Variants in ADAM10 observed in about 807,000 individuals in gnomAD.
The protein encoded by ADAM10 is disintegrin and metalloproteinase domain-containing protein 10.
A neutral mutation model predicts 90.1 loss-of-function variants in ADAM10; 17 were observed. The ratio of observed to expected loss-of-function variants is 0.19; its 90% CI spans 0.13 to 0.28. The LOEUF (loss-of-function observed/expected upper bound fraction) is 0.28. ADAM10 is among the 10% of genes least tolerant of loss of function. The pLI is 1.00. For synonymous variants in ADAM10, 310 were observed against 298.6 expected, an observed-to-expected ratio of 1.04 and a Z score of -0.40; for missense variants, 610 against 914.3, an observed-to-expected ratio of 0.67 and a Z score of 4.29.
Position 58,594,997 on chromosome 15 carries a change from T to A in ADAM10, c.*2550A>T, listed in dbSNP as rs181453133. The A allele has an allele frequency of 2.6e-4, 40 of 152,210 alleles. No individual in the cohort carries two copies. The East Asian group carries it at 6.0e-3, about 23-fold the overall frequency. The allele number at this position is 152,210 out of a possible 1,614,324, so 9.4% of individuals were successfully genotyped here. A position where few individuals can be genotyped will look rare whatever the true frequency, so the allele number is the denominator to read the frequency against. The stretch of plus-strand genomic sequence containing the variant: ...AACACTGAAATGTCAATTCTCTCCT[T>A]ATTTGCTATGAAGAGAAAAATGATG... On this transcript the variant is annotated 3_prime_UTR_variant, in exon 16 of 16. Coordinates refer to ENST00000260408, the MANE Select transcript of ADAM10 (RefSeq NM_001110.4).
chr15:58,692,913 C>T (rs757553501), intron 2 of ADAM10: 2 of 699,414 alleles, frequency 2.9e-6, no homozygotes, highest in Admixed American at 3.6e-5. Context: ...TGAGATCAGC[C>T]TTGGTCATGC....
At position 58,611,874 on chromosome 15, in the gene ADAM10, G is replaced by A; in HGVS notation, c.1629C>T (p.Cys543=). The A allele has an allele frequency of 6.2e-7, 1 of 1,614,128 alleles. No individual in the cohort carries two copies. The highest frequency in any genetic ancestry group is 8.5e-7 in the Non-Finnish European group (1 of 1,180,024). Residue 543 remains cysteine (C), a synonymous_variant, in exon 12 of 16, where the codon TGC becomes TGT. Coordinates refer to ENST00000260408, the MANE Select transcript of ADAM10 (RefSeq NM_001110.4). Reference sequence around the variant, plus strand: ...AGTTTGGTTTAGGGTCAGATGCTGGGCAGAGAGCTGTGAAGCCATTACATA... The same window carrying A: ...AGTTTGGTTTAGGGTCAGATGCTGGACAGAGAGCTGTGAAGCCATTACATA... ...EGICNGFTAL[C]PASDPKPNFT...
intron 2 of ADAM10, among the ~76,000 whole-genome samples, chr15:58,700,588 CAGGGAA>C: frequency 6.6e-6 from 1 of 152,092 alleles, no homozygotes; most frequent in Non-Finnish European, 1.5e-5. Flanking sequence ...GCACTGCTTA[CAGGGAA>C]ATTTACAGCA....
chr15:58,723,394 G>T (rs540450829), intron 1 of ADAM10, among the ~76,000 whole-genome samples: 30 of 152,034 alleles, frequency 2.0e-4, no homozygotes, highest in Non-Finnish European at 3.5e-4. Context: ...AAAGAAAAAA[G>T]AAATCACAAG....
intron 5 of ADAM10, among the ~76,000 whole-genome samples, chr15:58,659,004 T>A (rs748676167): frequency 9.2e-5 from 14 of 152,152 alleles, no homozygotes; most frequent in Non-Finnish European, 2.1e-4. Context: ...CTGGGCGCAG[T>A]GGGCTCACAC....
chr15:58,621,815 TGGG>T (rs1895796378), intron 10 of ADAM10, among the ~76,000 whole-genome samples, 194 bp from the exon 11 acceptor site: 1 of 152,200 alleles, frequency 6.6e-6, no homozygotes, highest in African/African-American at 2.4e-5. Flanking sequence ...AATGCAATCT[TGGG>T]GTCTTCAGTT....
rs1323960397 is a variant in ADAM10, at chr15:58,647,246, G to GTTTTTTTTTTTTTTTTTTTT, written c.586-1043_586-1042insAAAAAAAAAAAAAAAAAAAA. ...CTTGGCAGCAAAGAGTAGACACTAA[G>GTTTTTTTTTTTTTTTTTTTT]TATTTTTTTTTTTTTTTTTTTTTTT... On this transcript the variant is annotated intron_variant, in intron 5 of 15. Coordinates refer to ENST00000260408, the MANE Select transcript of ADAM10 (RefSeq NM_001110.4). Among the ~76,000 whole-genome samples the GTTTTTTTTTTTTTTTTTTTT allele has an allele frequency of 2.4e-4, 9 of 36,840 alleles. 1 individual carries two copies. Among genetic ancestry groups the GTTTTTTTTTTTTTTTTTTTT allele is most frequent in the Admixed American group, 8.6e-4 (3 of 3,480 alleles). 24.2% of individuals were successfully genotyped at this position (36,840 alleles called of 152,430 possible).
chr15:58,629,002 T>C (rs1354734444), intron 9 of ADAM10, among the ~76,000 whole-genome samples: 1 of 152,220 alleles, frequency 6.6e-6, no homozygotes, highest in Non-Finnish European at 1.5e-5. Context: ...TCACCAATAT[T>C]ATCTTGCTTT....
intron 2 of ADAM10, chr15:58,691,475 A>G (rs1596073450): frequency 3.2e-6 from 2 of 632,234 alleles, no homozygotes; most frequent in East Asian, 6.3e-5. Flanking sequence ...CCTTCATGCA[A>G]GACACATACT....
intron 8 of ADAM10, among the ~76,000 whole-genome samples, chr15:58,634,636 A>G (rs1403519515): frequency 6.6e-6 from 1 of 152,200 alleles, no homozygotes; most frequent in Non-Finnish European, 1.5e-5. Context: ...TGGTAAGATC[A>G]TATTTTCTTT....
chr15:58,603,020 G>A (rs934082663), intron 14 of ADAM10, among the ~76,000 whole-genome samples: 1 of 152,188 alleles, frequency 6.6e-6, no homozygotes, highest in Non-Finnish European at 1.5e-5. Context: ...AAAACATGCT[G>A]ACAGGGCTGA....
chr15:58,600,837 T>C (rs1895088239), intron 14 of ADAM10, among the ~76,000 whole-genome samples: 1 of 152,186 alleles, frequency 6.6e-6, no homozygotes, highest in South Asian at 2.1e-4. Context: ...CACAGGTTAC[T>C]GTAACATATA....
chr15:58,635,957 T>C (rs1896238769), intron 8 of ADAM10, among the ~76,000 whole-genome samples: 1 of 152,198 alleles, frequency 6.6e-6, no homozygotes, highest in African/African-American at 2.4e-5. Context: ...CAACTGCTTT[T>C]GGTCTTTATG....
intron 2 of ADAM10, among the ~76,000 whole-genome samples, chr15:58,715,206 G>C (rs1247194493): frequency 6.6e-6 from 1 of 152,040 alleles, no homozygotes; most frequent in Non-Finnish European, 1.5e-5. Context: ...CGGATCACTT[G>C]AAATCAGGAG....
intron 4 of ADAM10, among the ~76,000 whole-genome samples, chr15:58,665,663 A>T (rs1277980063): frequency 2.0e-5 from 3 of 152,006 alleles, no homozygotes; most frequent in Non-Finnish European, 4.4e-5. Flanking sequence ...TCATTTCACA[A>T]AACACAACTA....
rs537732357 is a variant in ADAM10, at chr15:58,663,104, G to A, written c.585+1993C>T. Among the ~76,000 whole-genome samples the A allele has an allele frequency of 2.0e-3, 301 of 152,330 alleles. 1 individual carries two copies. Among genetic ancestry groups the A allele is most frequent in the African/African-American group, 6.8e-3 (282 of 41,580 alleles). On this transcript the variant is annotated intron_variant, in intron 5 of 15. Transcript: ENST00000260408. Reference sequence around the variant, plus strand: ...CTAGTTGTTTGTTGTAGAAAGCCTAGTTAGATATCAGTTACTCTATCACAG... The same window carrying A: ...CTAGTTGTTTGTTGTAGAAAGCCTAATTAGATATCAGTTACTCTATCACAG...
intron 9 of ADAM10, among the ~76,000 whole-genome samples, chr15:58,631,755 T>C (rs1489375916): frequency 6.6e-6 from 1 of 152,146 alleles, no homozygotes; most frequent in East Asian, 1.9e-4. Flanking sequence ...CTCTTGAAAA[T>C]GCAAATCAAC....
At chr15:58,607,360 A>G (rs1895306920) in intron 14 of ADAM10, among the ~76,000 whole-genome samples, 1 of 152,240 alleles carries the variant, frequency 6.6e-6, no homozygotes, top group Non-Finnish European at 1.5e-5. Context: ...GATATTTAGG[A>G]CTTAGTCTTT....
At chr15:58,605,308 T>G (rs1410321746) in intron 14 of ADAM10, among the ~76,000 whole-genome samples, 1 of 152,232 alleles carries the variant, frequency 6.6e-6, no homozygotes, top group Non-Finnish European at 1.5e-5. Flanking sequence ...TTGAGATGTT[T>G]TAGTGCCAAT....
Sources: allele counts gnomAD v4.1 joint callset (sites outside exome capture counted in the v4.1 genomes callset), GRCh38; gene constraint gnomAD v4.1.1; transcripts MANE v1.5; gene names NCBI Gene and HGNC (gene_info 2026-07-23, HGNC 2026-07-21).